The following DPYSL2 variants were observed in gnomAD, a reference collection of about 807,000 sequenced individuals.
The protein encoded by DPYSL2 is dihydropyrimidinase like 2.
In DPYSL2, 13 loss-of-function variants were observed where a neutral mutation model predicts 69.9. That is an observed-to-expected ratio of 0.19 (90% confidence interval 0.12 to 0.30). DPYSL2 has a LOEUF of 0.30. Ranked by LOEUF, DPYSL2 falls within the 10% of genes least tolerant of loss-of-function variation. The pLI is 1.00. For missense variants in DPYSL2, 587 were observed against 918.9 expected, an observed-to-expected ratio of 0.64 and a Z score of 4.67; for synonymous variants, 326 against 359.1, an observed-to-expected ratio of 0.91 and a Z score of 1.04.
intron 1 of DPYSL2, among the ~76,000 whole-genome samples, chr8:26,543,580 A>G (rs1363732403): frequency 6.6e-6 from 1 of 150,492 alleles, no homozygotes; most frequent in East Asian, 2.0e-4. Flanking sequence ...CTCTGCCTCC[A>G]GGGTTCAAGC....
At chr8:26,548,912 G>A (rs1378858313) in intron 1 of DPYSL2, among the ~76,000 whole-genome samples, 2 of 151,496 alleles carry the variant, frequency 1.3e-5, no homozygotes, top group Non-Finnish European at 2.9e-5. Flanking sequence ...AAATAGGCCG[G>A]GCGCAGTGGC....
At position 26,648,504 on chromosome 8, in the gene DPYSL2, T is replaced by C. The variant is rs984662288; in HGVS notation, c.1596+704T>C. Among the ~76,000 whole-genome samples, 4 of 152,156 alleles carry C rather than the reference T, an allele frequency of 2.6e-5. No homozygotes were observed. Among genetic ancestry groups the C allele is most frequent in the Non-Finnish European group, 2.9e-5 (2 of 68,024 alleles). ...GGTCTCCAAGTGTCCTGTGATTCTG[T>C]GAGGTCAGCAGACATTAAGCAGAGT... On this transcript the variant is annotated intron_variant, in intron 11 of 13. Coordinates refer to ENST00000521913, the MANE Select transcript of DPYSL2 (RefSeq NM_001197293.3). This position sits in a 1 kb window ranked among gnomAD's most constrained non-coding sequence, Gnocchi z 4.3.
At chr8:26,622,162 T>TCCCTCC (rs1450092504) in intron 3 of DPYSL2, among the ~76,000 whole-genome samples, 2 of 53,152 alleles carry the variant, frequency 3.8e-5, no homozygotes, top group Non-Finnish European at 8.5e-5. Flanking sequence ...TCCTTCCCTC[T>TCCCTCC]CTCTCTCTTT....
At chr8:26,628,249 GT>G (rs1259269507) in intron 7 of DPYSL2, among the ~76,000 whole-genome samples, 2 of 152,234 alleles carry the variant, frequency 1.3e-5, no homozygotes, top group Non-Finnish European at 2.9e-5. Flanking sequence ...GTAGATTTTA[GT>G]GGTTCACAAC....
chr8:26,626,782 C>A lies in DPYSL2; in HGVS notation c.855+104C>A. 8.1e-7 allele frequency: 1 copy of A among 1,229,002 alleles called. No homozygotes were observed. The highest frequency in any genetic ancestry group is 1.2e-6 in the Non-Finnish European group (1 of 854,234). 76.1% of individuals were successfully genotyped at this position (1,229,002 alleles called of 1,614,324 possible). On this transcript the variant is annotated intron_variant, in intron 5 of 13. Transcript: ENST00000521913. The surrounding 1 kb of genome is among the most constrained non-coding windows in gnomAD (Gnocchi z 4.3). ...CGATGTATGCATGTTTCCTAGCTTC[C>A]TGGGAAGTGGCTGGTGGATGCAGTT...
At chr8:26,542,899 G>A (rs941357045) in intron 1 of DPYSL2, among the ~76,000 whole-genome samples, 26 of 152,230 alleles carry the variant, frequency 1.7e-4, no homozygotes, top group Non-Finnish European at 1.5e-4. Flanking sequence ...CATACAGTAT[G>A]TATGTATCAT....
Position 26,640,712 on chromosome 8 carries a change from G to A in DPYSL2, c.1127-2727G>A, listed in dbSNP as rs1341983685. 5.9e-5 allele frequency among the ~76,000 whole-genome samples: 9 copies of A among 152,144 alleles called. No individual in the cohort carries two copies. The East Asian group carries it at 1.7e-3, about 29-fold the overall frequency. ...AGAAAGAAAATCCAAAAGACAGCAA[G>A]GACCTCTGAATCCCTGAGGGAAGTT... On this transcript the variant is annotated intron_variant, in intron 8 of 13. Coordinates refer to ENST00000521913, the MANE Select transcript of DPYSL2 (RefSeq NM_001197293.3). This position sits in a 1 kb window ranked among gnomAD's most constrained non-coding sequence, Gnocchi z 4.2.
At chr8:26,603,744 A>T (rs978829627) in intron 3 of DPYSL2, among the ~76,000 whole-genome samples, 1 of 152,108 alleles carries the variant, frequency 6.6e-6, no homozygotes, top group African/African-American at 2.4e-5. Flanking sequence ...TAGGAACCTC[A>T]TGTAAATATA....
chr8:26,556,230 G>T (rs375380151), intron 1 of DPYSL2, among the ~76,000 whole-genome samples: 2 of 4,296 alleles, frequency 4.7e-4, no homozygotes, highest in African/African-American at 5.4e-4. Context: ...AGTATATATA[G>T]TATTTATATA....
intron 3 of DPYSL2, among the ~76,000 whole-genome samples, chr8:26,599,971 C>T (rs941014868): frequency 1.3e-4 from 20 of 152,286 alleles, no homozygotes; most frequent in African/African-American, 2.9e-4. Context: ...ATTTCTATAG[C>T]GTTGCCTGTT....
At chr8:26,612,501 A>G (rs1457564727) in intron 3 of DPYSL2, among the ~76,000 whole-genome samples, 1 of 152,240 alleles carries the variant, frequency 6.6e-6, no homozygotes. Context: ...TCCCATTAAA[A>G]ATTGAATTAG....
At position 26,643,471 on chromosome 8, in the gene DPYSL2, A is replaced by G; in HGVS notation, c.1159A>G (p.Ser387Gly). The change falls in exon 9 of 14, where the codon AGC (serine) becomes GGC (glycine). Residue 387 changes from serine (S) to glycine (G), a missense_variant. By Grantham distance (56) the Ser-to-Gly change is moderately conservative. Around this residue, in one of 3 missense-constraint regions of DPYSL2, gnomAD observed 452 missense variants for 754.3 expected, o/e 0.60. Coordinates refer to ENST00000521913, the MANE Select transcript of DPYSL2 (RefSeq NM_001197293.3). The surrounding 1 kb of genome is among the most constrained non-coding windows in gnomAD (Gnocchi z 6.5). Reference protein sequence around the residue: ...TVVYGEPITASLGTDGSHYWS... With the variant: ...TVVYGEPITAGLGTDGSHYWS... ...GGTGTATGGCGAGCCCATCACTGCC[A>G]GCTTGGGAACGGACGGCTCCCATTA... 6.2e-7 allele frequency: 1 copy of G among 1,608,012 alleles called. No homozygotes were observed. Among genetic ancestry groups the G allele is most frequent in the Non-Finnish European group, 8.5e-7 (1 of 1,176,974 alleles).
intron 8 of DPYSL2, among the ~76,000 whole-genome samples, chr8:26,637,087 G>A (rs1471539243): frequency 6.6e-6 from 1 of 152,186 alleles, no homozygotes; most frequent in Non-Finnish European, 1.5e-5. Context: ...GTCTTATGGG[G>A]TGAGCAGTAG....
Position 26,588,633 on chromosome 8 carries a change from G to GGAGGA in DPYSL2, c.628+4652_628+4656dup, listed in dbSNP as rs1801655784. ...GATGGGGACTGGACTCTAGCAGGGAGGAGGAGGGGAGGTGCTGCTGCCGCA... is the reference window on the plus strand; with the variant it reads ...GATGGGGACTGGACTCTAGCAGGGAGGAGGAGAGGAGGGGAGGTGCTGCTGCCGCA... On this transcript the variant is annotated intron_variant, in intron 3 of 13. Coordinates refer to ENST00000521913, the MANE Select transcript of DPYSL2 (RefSeq NM_001197293.3). The surrounding 1 kb of genome is among the most constrained non-coding windows in gnomAD (Gnocchi z 5.4). 6.6e-6 allele frequency among the ~76,000 whole-genome samples: 1 copy of GGAGGA among 152,084 alleles called. No individual in the cohort carries two copies. The highest frequency in any genetic ancestry group is 1.5e-5 in the Non-Finnish European group (1 of 68,020).
rs1427752196 is a variant in DPYSL2 at position 26,614,807 on chromosome 8, A to G, written c.629-9336A>G. ...CCTGAAGGTCCGAGCAGTGAAGAAC[A>G]TGTTTCCATATGCCTGCCACCCTTA... On this transcript the variant is annotated intron_variant, in intron 3 of 13. Coordinates refer to ENST00000521913, the MANE Select transcript of DPYSL2 (RefSeq NM_001197293.3). The surrounding 1 kb of genome is among the most constrained non-coding windows in gnomAD (Gnocchi z 4.9). Among the ~76,000 whole-genome samples the G allele has an allele frequency of 1.3e-5, 2 of 152,226 alleles. No homozygotes were observed. The highest frequency in any genetic ancestry group is 2.9e-5 in the Non-Finnish European group (2 of 68,040).
At chr8:26,569,955 A>T (rs1423786069) in intron 1 of DPYSL2, among the ~76,000 whole-genome samples, 1 of 152,172 alleles carries the variant, frequency 6.6e-6, no homozygotes, top group Non-Finnish European at 1.5e-5. Flanking sequence ...CTGTAATCTG[A>T]GCACTTTAGG....
chr8:26,568,823 CG>C (rs1241262246), intron 1 of DPYSL2, among the ~76,000 whole-genome samples: 3 of 152,092 alleles, frequency 2.0e-5, no homozygotes, highest in African/African-American at 7.2e-5. Flanking sequence ...GGGAGATCTG[CG>C]GTATTTTCTG....
chr8:26,563,398 A>G (rs1029885231), intron 1 of DPYSL2, among the ~76,000 whole-genome samples: 2 of 152,196 alleles, frequency 1.3e-5, no homozygotes, highest in African/African-American at 2.4e-5. Context: ...TTGAGTCAGA[A>G]ACTTTGCTGC....
rs537244771 is a variant in DPYSL2, at chr8:26,648,364, T to C, written c.1596+564T>C. Reference sequence around the variant, plus strand: ...TTTAGGATCTGCCGCTTTGGGTATCTCTTCCCTCTGGGTCTGGGCTTTAGA... The same window carrying C: ...TTTAGGATCTGCCGCTTTGGGTATCCCTTCCCTCTGGGTCTGGGCTTTAGA... On this transcript the variant is annotated intron_variant, in intron 11 of 13. Transcript: ENST00000521913. The surrounding 1 kb of genome is among the most constrained non-coding windows in gnomAD (Gnocchi z 4.3). Among the ~76,000 whole-genome samples the C allele has an allele frequency of 9.2e-5, 14 of 152,340 alleles. No homozygotes were observed. Among genetic ancestry groups the C allele is most frequent in the Non-Finnish European group, 1.9e-4 (13 of 68,034 alleles).
Sources: allele counts gnomAD v4.1 joint callset (sites outside exome capture counted in the v4.1 genomes callset), GRCh38; gene constraint gnomAD v4.1.1; regional missense constraint gnomAD v4.1.1; non-coding constraint Gnocchi (gnomAD v3.1); transcripts MANE v1.5; gene names NCBI Gene and HGNC (gene_info 2026-07-23, HGNC 2026-07-21).